The following ZNF804B variants were observed in gnomAD, a reference collection of about 807,000 sequenced individuals.
The protein encoded by ZNF804B is zinc finger protein 804B.
ZNF804B carries 80 observed loss-of-function variants against 101.4 expected under a neutral mutation model. That is an observed-to-expected ratio of 0.79 (90% CI 0.66 to 0.95). The LOEUF is 0.95. ZNF804B is among the 40% of genes least tolerant of loss of function. The pLI, the probability that ZNF804B is intolerant of heterozygous loss-of-function variation, is 0.00. For synonymous variants in ZNF804B, 622 were observed against 558.8 expected (o/e 1.11, Z -1.59); for missense variants, 1,673 against 1,561.9 (o/e 1.07, Z -1.20).
rs17165001 is a variant in ZNF804B at position 88,880,790 on chromosome 7, C to T, written c.108+120706C>T. Among the ~76,000 whole-genome samples the T allele has an allele frequency of 8.5e-3, 1,293 of 152,090 alleles. 14 individuals carry two copies. The highest frequency in any genetic ancestry group is 0.024 in the Middle Eastern group (7 of 292). The stretch of plus-strand genomic sequence containing the variant: ...TTAAAAATTGATGACTTTCCATTTT[C>T]AATATGGTGATTATTAATTTTGCTT... On this transcript the variant is annotated intron_variant, in intron 1 of 3. Coordinates refer to ENST00000333190, the MANE Select transcript of ZNF804B (RefSeq NM_181646.5).
intron 1 of ZNF804B, among the ~76,000 whole-genome samples, chr7:88,763,429 A>G (rs927871463): frequency 4.6e-5 from 7 of 152,106 alleles, no homozygotes; most frequent in African/African-American, 4.8e-5. Flanking sequence ...TCTTTTATCT[A>G]TTGCATCTTT....
At position 89,334,847 on chromosome 7, in the gene ZNF804B, A is replaced by T. The variant is rs1476753228; in HGVS notation, c.1865A>T (p.Asp622Val). 1.2e-6 allele frequency: 2 copies of T among 1,613,848 alleles called. No homozygotes were observed. The highest frequency in any genetic ancestry group is 3.3e-5 in the Admixed American group (2 of 59,918). Residue 622 changes from aspartate (D) to valine (V), a missense_variant, in exon 4 of 4, where the codon GAT becomes GTT. Transcript: ENST00000333190. ...GCRKAVLNDI[D>V]EDLSFPSYIS... is the part of the protein sequence containing the mutation. Reference sequence around the variant, plus strand: ...AGAAAGGCAGTTCTAAATGATATAGATGAGGACCTATCTTTTCCTTCCTAC... The same window carrying T: ...AGAAAGGCAGTTCTAAATGATATAGTTGAGGACCTATCTTTTCCTTCCTAC...
intron 2 of ZNF804B, among the ~76,000 whole-genome samples, chr7:89,317,037 G>T (rs1173055654): frequency 6.6e-6 from 1 of 152,146 alleles, no homozygotes; most frequent in Non-Finnish European, 1.5e-5. Flanking sequence ...TACAATGGAG[G>T]GAGGTCAGGA....
At chr7:89,208,858 A>G (rs536006141) in intron 1 of ZNF804B, among the ~76,000 whole-genome samples, 88 of 141,834 alleles carry the variant, frequency 6.2e-4, no homozygotes, top group African/African-American at 2.7e-3. Context: ...TGAAAATACA[A>G]AAAATTAGCC....
At chr7:89,074,874 A>G (rs1789592658) in intron 1 of ZNF804B, among the ~76,000 whole-genome samples, 1 of 152,194 alleles carries the variant, frequency 6.6e-6, no homozygotes, top group Non-Finnish European at 1.5e-5. Flanking sequence ...GTGGTCTCAG[A>G]TGGAGATGAG....
chr7:88,875,867 T>G (rs1791929761), intron 1 of ZNF804B, among the ~76,000 whole-genome samples: 1 of 152,118 alleles, frequency 6.6e-6, no homozygotes, highest in East Asian at 1.9e-4. Context: ...AAAAAGAGAA[T>G]TTTAGACCAA....
intron 1 of ZNF804B, among the ~76,000 whole-genome samples, chr7:89,109,169 A>G (rs1562886940): frequency 6.6e-6 from 1 of 152,278 alleles, no homozygotes; most frequent in South Asian, 2.1e-4. Context: ...GGATCATGGC[A>G]AATGATTTGA....
chr7:89,293,410 ATAAAAG>A (rs918234646), intron 2 of ZNF804B, among the ~76,000 whole-genome samples: 2 of 152,188 alleles, frequency 1.3e-5, no homozygotes, highest in Non-Finnish European at 2.9e-5. Context: ...TAAAAATAAA[ATAAAAG>A]TAAATTTTTA....
chr7:88,820,914 A>C (rs551284680), intron 1 of ZNF804B, among the ~76,000 whole-genome samples: 4 of 152,262 alleles, frequency 2.6e-5, no homozygotes, highest in African/African-American at 9.6e-5. Flanking sequence ...AATATGCTGC[A>C]GTGAGAATTG....
chr7:88,981,669 G>A (rs1358766875), intron 1 of ZNF804B, among the ~76,000 whole-genome samples: 1 of 151,974 alleles, frequency 6.6e-6, no homozygotes, highest in Non-Finnish European at 1.5e-5. Context: ...CTGACTGCTA[G>A]GGTGGATGAT....
At chr7:89,156,220 TCTC>T (rs1305500895) in intron 1 of ZNF804B, among the ~76,000 whole-genome samples, 7 of 151,840 alleles carry the variant, frequency 4.6e-5, no homozygotes, top group Non-Finnish European at 1.0e-4. Context: ...TTCAAGCAAT[TCTC>T]CTGCCTCAGC....
chr7:88,800,680 A>G (rs1282090114), intron 1 of ZNF804B, among the ~76,000 whole-genome samples: 1 of 143,116 alleles, frequency 7.0e-6, no homozygotes, highest in East Asian at 2.0e-4. Flanking sequence ...GGAATTAAAA[A>G]ATAGATATGA....
intron 1 of ZNF804B, among the ~76,000 whole-genome samples, chr7:88,947,966 G>A (rs1028565317): frequency 6.6e-6 from 1 of 151,930 alleles, no homozygotes; most frequent in Non-Finnish European, 1.5e-5. Flanking sequence ...AAATTGTGTT[G>A]TAATTTTCTT....
chr7:89,285,480 G>A, intron 2 of ZNF804B, among the ~76,000 whole-genome samples: 1 of 122,518 alleles, frequency 8.2e-6, no homozygotes, highest in East Asian at 2.5e-4. Context: ...CCGAGATCAT[G>A]CCACTGCACT....
At chr7:89,012,316 C>T (rs1375897616) in intron 1 of ZNF804B, among the ~76,000 whole-genome samples, 1 of 152,164 alleles carries the variant, frequency 6.6e-6, no homozygotes. Context: ...GCCACAGAGA[C>T]ATTTTCCCCA....
chr7:89,238,907 A>G (rs1032332109), intron 2 of ZNF804B, among the ~76,000 whole-genome samples: 3 of 152,174 alleles, frequency 2.0e-5, no homozygotes, highest in Non-Finnish European at 2.9e-5. Flanking sequence ...AGGATCCTCA[A>G]TTATTAAAGC....
At chr7:88,889,902 T>C (rs1307686031) in intron 1 of ZNF804B, among the ~76,000 whole-genome samples, 1 of 152,212 alleles carries the variant, frequency 6.6e-6, no homozygotes. Context: ...ATTTTTATAA[T>C]TTGAGGTCTG....
At chr7:89,303,312 C>T (rs1418714406) in intron 2 of ZNF804B, among the ~76,000 whole-genome samples, 2 of 151,878 alleles carry the variant, frequency 1.3e-5, no homozygotes, top group East Asian at 3.9e-4. Context: ...TTTGAAACTT[C>T]AATTTATGTA....
chr7:88,880,792 A>G (rs377587538), intron 1 of ZNF804B, among the ~76,000 whole-genome samples: 75 of 152,180 alleles, frequency 4.9e-4, no homozygotes, highest in African/African-American at 1.6e-3. Flanking sequence ...TCCATTTTCA[A>G]TATGGTGATT....
Sources: gnomAD v4.1 joint callset for allele counts (sites outside exome capture counted in the v4.1 genomes callset) on GRCh38, gnomAD v4.1.1 for gene constraint, MANE v1.5 for transcripts, NCBI Gene and HGNC (gene_info 2026-07-23, HGNC 2026-07-21) for gene names.